NDUFAF6: variants seen among roughly 807,000 people sequenced by gnomAD.
NDUFAF6 encodes the protein NADH dehydrogenase (ubiquinone) complex I, assembly factor 6.
A neutral mutation model predicts 40.8 loss-of-function variants in NDUFAF6; 45 were observed. The ratio of observed to expected loss-of-function variants is 1.10; its 90% confidence interval spans 0.87 to 1.42. The LOEUF is 1.42. Among genes scored for constraint, NDUFAF6 ranks in the 40% most tolerant of loss-of-function variants. NDUFAF6 has a pLI of 0.00. For synonymous variants in NDUFAF6, 185 were observed against 155.9 expected (o/e 1.19, Z -1.39); for missense variants, 435 against 418.5 (o/e 1.04, Z -0.34).
chr8:94,932,781 C>A (rs998398844), intron 1 of NDUFAF6, among the ~76,000 whole-genome samples: 6 of 151,574 alleles, frequency 4.0e-5, no homozygotes, highest in African/African-American at 1.5e-4. Flanking sequence ...CCAGCCTGGG[C>A]GAAGGAGCGA....
chr8:95,060,304 T>C (rs1172194499), downstream of NDUFAF6, among the ~76,000 whole-genome samples: 1 of 152,214 alleles, frequency 6.6e-6, no homozygotes, highest in Non-Finnish European at 1.5e-5. Context: ...ATTAGAATAT[T>C]TTAAAGGAGT....
At chr8:95,099,952 T>C (rs1809598620), upstream of NDUFAF6, among the ~76,000 whole-genome samples, 1 of 152,232 alleles carries the variant, frequency 6.6e-6, no homozygotes, top group Admixed American at 6.5e-5. Context: ...CCCCAGGCTT[T>C]GGGAGAACAT....
intron 2 of NDUFAF6, among the ~76,000 whole-genome samples, chr8:94,986,366 C>T (rs1825901137): frequency 6.6e-6 from 1 of 152,204 alleles, no homozygotes; most frequent in Non-Finnish European, 1.5e-5. Context: ...ACCATACAGC[C>T]AGGCCTTCCT....
upstream of NDUFAF6, among the ~76,000 whole-genome samples, chr8:94,956,696 G>A (rs1823103486): frequency 6.6e-6 from 1 of 152,184 alleles, no homozygotes; most frequent in African/African-American, 2.4e-5. Flanking sequence ...TTCAGAGGAT[G>A]GAGGGTGGGG....
At chr8:95,055,759 C>G (rs946210507) in intron 8 of NDUFAF6, among the ~76,000 whole-genome samples, 25 of 152,082 alleles carry the variant, frequency 1.6e-4, no homozygotes, top group African/African-American at 6.0e-4. Flanking sequence ...GTTTTTTATT[C>G]TCTTTTAAAC....
Position 95,025,028 on chromosome 8 carries a change from G to C in NDUFAF6, c.20G>C (p.Gly7Ala). Residue 7 changes from glycine to alanine, a missense_variant, in exon 1 of 9, where the codon GGC (glycine) becomes GCC (alanine). Coordinates refer to ENST00000396124, the MANE Select transcript of NDUFAF6 (RefSeq NM_152416.4). ...GGCGTCATGGCGGCCTCCGCGCACG[G>C]CTCTGTCTGGGGGCCGTTGCGGCTT... MAASAH[G>A]SVWGPLRLGI... 7.3e-7 allele frequency: 1 copy of C among 1,377,774 alleles called. No homozygotes were observed. The highest frequency in any genetic ancestry group is 9.3e-7 in the Non-Finnish European group (1 of 1,076,244). The allele number at this position is 1,377,774 out of a possible 1,614,324, so 85.3% of individuals were successfully genotyped here.
rs868476224 is a variant in NDUFAF6, at chr8:94,932,360, A to G, written c.-935-13123A>G. On this transcript the variant is annotated intron_variant, in intron 1 of 14. Transcript: ENST00000396113. ...TCAATTTTCTGTGCTTTATGGTAAT[A>G]TCCCCAATGATAGACACAATGGAAG... 1.4e-4 allele frequency among the ~76,000 whole-genome samples: 21 copies of G among 152,364 alleles called. No individual in the cohort carries two copies. In the Middle Eastern group the frequency reaches 0.017, roughly 123 times the overall value.
At chr8:95,048,244 G>T (rs965472744) in intron 6 of NDUFAF6, among the ~76,000 whole-genome samples, 6 of 150,872 alleles carry the variant, frequency 4.0e-5, no homozygotes, top group African/African-American at 1.5e-4. Context: ...TCTCATTTTT[G>T]TTTTTTTTTC....
chr8:95,057,085 G>A (rs115018923), intron 8 of NDUFAF6, among the ~76,000 whole-genome samples: 1,538 of 152,266 alleles, frequency 0.01, 28 homozygotes, highest in African/African-American at 0.035. Flanking sequence ...CAGAACTCTA[G>A]GGGGCGCTGC....
rs534491369 is a variant in NDUFAF6, at chr8:95,069,562, C to T, written c.*512-6071C>T. ...TGGGAGGCCAAGGTGGGAGGATTAC[C>T]TGAGGTCAGGAGTTCAAGACCAGCC... On this transcript the variant is annotated intron_variant and NMD_transcript_variant, in intron 9 of 9. Coordinates refer to the NDUFAF6 transcript ENST00000520757. Among the ~76,000 whole-genome samples the T allele has an allele frequency of 2.6e-5, 4 of 151,238 alleles. No homozygotes were observed. In the East Asian group the frequency reaches 7.7e-4, roughly 29 times the overall value.
intron 1 of NDUFAF6, among the ~76,000 whole-genome samples, chr8:94,921,932 A>T (rs774399312): frequency 7.2e-5 from 11 of 152,364 alleles, no homozygotes; most frequent in Admixed American, 2.0e-4. Flanking sequence ...AGAAACACAC[A>T]TTCTCAGGCT....
chr8:94,902,782 G>A lies in NDUFAF6; in HGVS notation c.-936+6855G>A, dbSNP rs538750245. Among the ~76,000 whole-genome samples the A allele has an allele frequency of 1.4e-4, 20 of 145,968 alleles. 1 individual carries two copies. In the South Asian group the frequency reaches 3.7e-3, roughly 27 times the overall value. ...ACTGTGTCAGCTCACTGCAACCTCCGGCTCCTGGGTTCAAGCAATTCTCCT... is the reference window on the plus strand; with the variant it reads ...ACTGTGTCAGCTCACTGCAACCTCCAGCTCCTGGGTTCAAGCAATTCTCCT... On this transcript the variant is annotated intron_variant, in intron 1 of 14. Coordinates refer to the NDUFAF6 transcript ENST00000396113.
At chr8:95,026,353 G>A (rs908236514) in intron 1 of NDUFAF6, among the ~76,000 whole-genome samples, 1 of 152,186 alleles carries the variant, frequency 6.6e-6, no homozygotes, top group South Asian at 2.1e-4. Context: ...TTGTGGTCCC[G>A]GCTGCTCCAG....
At chr8:95,075,710 G>A in exon 10 of NDUFAF6, 1 of 1,287,828 alleles carries the variant, frequency 7.8e-7, no homozygotes, top group Non-Finnish European at 1.0e-6. Context: ...AACTGGGAGA[G>A]AGATTTGAAG....
chr8:95,045,661 C>T lies in NDUFAF6; in HGVS notation c.580+14C>T. On this transcript the variant is annotated intron_variant, in intron 5 of 8. Coordinates refer to ENST00000396124, the MANE Select transcript of NDUFAF6 (RefSeq NM_152416.4). ...TAGAAATATTGGGTAAGTTGTTTTT[C>T]TGTTTCATACTTCTTTTTTCCAATA... 1 of 1,576,480 alleles carries T rather than the reference C, an allele frequency of 6.3e-7. No homozygotes were observed. The highest frequency in any genetic ancestry group is 1.7e-5 in the Admixed American group (1 of 59,828).
chr8:95,035,309 A>G (rs189260459), intron 2 of NDUFAF6, 145 bp from the exon 3 acceptor site: 8 of 710,620 alleles, frequency 1.1e-5, no homozygotes, highest in South Asian at 5.3e-5. Flanking sequence ...GTTGTGTTCT[A>G]TAGGTTCCAA....
chr8:95,039,314 G>A (rs1239803267), intron 3 of NDUFAF6, among the ~76,000 whole-genome samples: 2 of 151,950 alleles, frequency 1.3e-5, no homozygotes, highest in Non-Finnish European at 2.9e-5. Flanking sequence ...TTAGCCGGGC[G>A]TAGTGGTGTG....
chr8:94,971,099 C>G (rs562303716), intron 1 of NDUFAF6, among the ~76,000 whole-genome samples: 1 of 152,360 alleles, frequency 6.6e-6, no homozygotes, highest in African/African-American at 2.4e-5. Context: ...AGTAAACAAT[C>G]AAGCCTCAAA....
intron 6 of NDUFAF6, 54 bp downstream of exon 6, chr8:95,047,181 A>C: frequency 6.2e-7 from 1 of 1,612,660 alleles, no homozygotes; most frequent in African/African-American, 1.3e-5. Context: ...ATGGGGAAGG[A>C]AGTTATCTTT....
Sources: gnomAD v4.1 joint callset for allele counts (sites outside exome capture counted in the v4.1 genomes callset) on GRCh38, gnomAD v4.1.1 for gene constraint, MANE v1.5 for transcripts, NCBI Gene and HGNC (gene_info 2026-07-23, HGNC 2026-07-21) for gene names.